ACAP2: variants seen among roughly 807,000 people sequenced by gnomAD.
The protein encoded by ACAP2 is ArfGAP with coiled-coil, ankyrin repeat and PH domains 2.
Under a neutral mutation model 115.8 loss-of-function variants are expected in ACAP2, and 39 were observed. That is an observed-to-expected ratio of 0.34 (90% CI 0.26 to 0.44). The LOEUF (loss-of-function observed/expected upper bound fraction) is 0.44, where lower values mean the gene tolerates loss of function less well. Ranked by LOEUF, ACAP2 falls within the 20% of genes least tolerant of loss-of-function variation. ACAP2 has a pLI of 1.00. For missense variants in ACAP2, 662 were observed against 927.6 expected, an observed-to-expected ratio of 0.71 and a Z score of 3.72; for synonymous variants, 289 against 315.8, an observed-to-expected ratio of 0.92 and a Z score of 0.90.
intron 4 of ACAP2, chr3:195,349,801 C>A (rs952985013): frequency 2.9e-6 from 1 of 341,638 alleles, no homozygotes; most frequent in South Asian, 2.6e-5. Context: ...CAAAGAGATC[C>A]AGAAATTTGC....
chr3:195,285,934 TAC>T, intron 21 of ACAP2, 77 bp from the exon 22 acceptor site: 1 of 1,038,476 alleles, frequency 9.6e-7, no homozygotes, highest in East Asian at 2.7e-5. Context: ...AAACAGGTAA[TAC>T]ATGTACTAAT....
At chr3:195,293,332 T>C (rs1727393373) in intron 18 of ACAP2, among the ~76,000 whole-genome samples, 1 of 152,164 alleles carries the variant, frequency 6.6e-6, no homozygotes, top group African/African-American at 2.4e-5. Flanking sequence ...CTGAGTACTC[T>C]GCAGGACCAA....
chr3:195,288,902 T>C (rs72611105), intron 21 of ACAP2, among the ~76,000 whole-genome samples: 7,376 of 152,258 alleles, frequency 0.048, 270 homozygotes, highest in South Asian at 0.15. Context: ...ACTACATAGA[T>C]AGCATTTCCA....
At chr3:195,406,986 T>A (rs527592735) in intron 1 of ACAP2, among the ~76,000 whole-genome samples, 1 of 152,114 alleles carries the variant, frequency 6.6e-6, no homozygotes, top group Non-Finnish European at 1.5e-5. Flanking sequence ...TCTTGTCATG[T>A]AACATATTTA....
chr3:195,302,693 A>C (rs73206676), intron 13 of ACAP2, among the ~76,000 whole-genome samples: 1 of 152,246 alleles, frequency 6.6e-6, no homozygotes, highest in Non-Finnish European at 1.5e-5. Context: ...CTACAAAATT[A>C]TAACTACAGA....
Position 195,275,169 on chromosome 3 carries a change from T to C in ACAP2, c.*4159A>G, listed in dbSNP as rs1726147266. The C allele has an allele frequency of 6.6e-6, 1 of 152,490 alleles. No homozygotes were observed. The highest frequency in any genetic ancestry group is 1.5e-5 in the Non-Finnish European group (1 of 67,986). 9.4% of individuals were successfully genotyped at this position (152,490 alleles called of 1,614,324 possible). ...CTTTCCCTGTTTAATATCCAAAAAA[T>C]GGAGGGTGGGGAGGTTGAAGAAAAA... On this transcript the variant is annotated 3_prime_UTR_variant, in exon 23 of 23. Coordinates refer to ENST00000326793, the MANE Select transcript of ACAP2 (RefSeq NM_012287.6).
At chr3:195,281,174 G>A (rs1726477776) in intron 22 of ACAP2, among the ~76,000 whole-genome samples, 1 of 152,220 alleles carries the variant, frequency 6.6e-6, no homozygotes, top group South Asian at 2.1e-4. Flanking sequence ...GAGAGGCCGA[G>A]ACGGGCGGAT....
intron 2 of ACAP2, among the ~76,000 whole-genome samples, chr3:195,388,612 C>A (rs886552233): frequency 1.3e-5 from 2 of 152,194 alleles, no homozygotes; most frequent in Non-Finnish European, 2.9e-5. Context: ...AACCCCTCCA[C>A]CACCCACATT....
intron 4 of ACAP2, among the ~76,000 whole-genome samples, chr3:195,354,330 G>C (rs1234753151): frequency 6.6e-6 from 1 of 152,086 alleles, no homozygotes; most frequent in Non-Finnish European, 1.5e-5. Context: ...CTTTATAATA[G>C]AACTATATTC....
intron 8 of ACAP2, 117 bp downstream of exon 8, chr3:195,332,911 A>G (rs1730268039): frequency 1.1e-5 from 7 of 637,850 alleles, no homozygotes; most frequent in Admixed American, 3.5e-5. Context: ...ACCCAGTCTC[A>G]GGCAGCTCTT....
chr3:195,440,027 CA>C (rs1242986562), intron 1 of ACAP2, among the ~76,000 whole-genome samples: 1 of 152,100 alleles, frequency 6.6e-6, no homozygotes, highest in Non-Finnish European at 1.5e-5. Context: ...AGGGCCCAAA[CA>C]AATTCCAACT....
chr3:195,289,750 G>C (rs1018701674), intron 20 of ACAP2, among the ~76,000 whole-genome samples: 2 of 141,122 alleles, frequency 1.4e-5, no homozygotes, highest in African/African-American at 5.3e-5. Flanking sequence ...AGCTTGCAGT[G>C]AGCCGAGATC....
chr3:195,359,356 G>T (rs1434993766), intron 4 of ACAP2, among the ~76,000 whole-genome samples: 1 of 152,150 alleles, frequency 6.6e-6, no homozygotes, highest in African/African-American at 2.4e-5. Flanking sequence ...AAGGTGAAAA[G>T]ATAAACCAAA....
At chr3:195,390,004 T>C (rs1734557664) in intron 2 of ACAP2, among the ~76,000 whole-genome samples, 1 of 152,222 alleles carries the variant, frequency 6.6e-6, no homozygotes, top group South Asian at 2.1e-4. Flanking sequence ...GAGACCAGTC[T>C]GGCCAACACG....
rs1259077696 is a variant in ACAP2 at position 195,276,899 on chromosome 3, G to C, written c.*2429C>G. The C allele has an allele frequency of 6.6e-6, 1 of 152,196 alleles. No homozygotes were observed. Among genetic ancestry groups the C allele is most frequent in the Non-Finnish European group, 1.5e-5 (1 of 68,030 alleles). 9.4% of individuals were successfully genotyped at this position (152,196 alleles called of 1,614,324 possible). A position where few individuals can be genotyped will look rare whatever the true frequency, so the allele number is the denominator to read the frequency against. On this transcript the variant is annotated 3_prime_UTR_variant, in exon 23 of 23. Transcript: ENST00000326793. ...AGCCACAGAAATGTGTACTTGTATT[G>C]CTAGGCTCCCTGCAATATTAAAGAT...
chr3:195,404,152 G>A (rs1434869992), intron 1 of ACAP2, among the ~76,000 whole-genome samples: 1 of 152,018 alleles, frequency 6.6e-6, no homozygotes, highest in Admixed American at 6.6e-5. Context: ...ACCAGCCTAG[G>A]CAACATACAT....
intron 15 of ACAP2, among the ~76,000 whole-genome samples, chr3:195,300,027 C>CTTTTTTCTTT (rs1412728555): frequency 9.1e-5 from 11 of 121,434 alleles, no homozygotes; most frequent in South Asian, 2.8e-4. Flanking sequence ...TTCCGTCTTT[C>CTTTTTTCTTT]TTTTTTCTTT....
chr3:195,408,280 C>A (rs1002724750), intron 1 of ACAP2, among the ~76,000 whole-genome samples: 1 of 152,084 alleles, frequency 6.6e-6, no homozygotes, highest in South Asian at 2.1e-4. Flanking sequence ...CTGGGCAACA[C>A]GGCGAAACCC....
At chr3:195,336,775 A>G in intron 7 of ACAP2, 157 bp downstream of exon 7, 1 of 653,078 alleles carries the variant, frequency 1.5e-6, no homozygotes, top group Non-Finnish European at 2.7e-6. Flanking sequence ...GGAGACAAAA[A>G]GAAGTCCAGT....
Sources: allele counts gnomAD v4.1 joint callset (sites outside exome capture counted in the v4.1 genomes callset), GRCh38; gene constraint gnomAD v4.1.1; transcripts MANE v1.5; gene names NCBI Gene and HGNC (gene_info 2026-07-23, HGNC 2026-07-21).